Variants in PRDM5 observed in about 807,000 individuals in gnomAD.
PRDM5 encodes PR domain zinc finger protein 5.
Under a neutral mutation model 81.2 loss-of-function variants are expected in PRDM5, and 56 were observed. The observed-to-expected ratio is 0.69, with a 90% CI of 0.56 to 0.86. The LOEUF (loss-of-function observed/expected upper bound fraction) is 0.86. PRDM5 is among the 40% of genes least tolerant of loss of function. The pLI is 0.00. For missense variants in PRDM5, 697 were observed against 770.1 expected (o/e 0.91, Z 1.12); for synonymous variants, 267 against 256.4 (o/e 1.04, Z -0.39).
intron 14 of PRDM5, among the ~76,000 whole-genome samples, chr4:120,753,022 T>A (rs939031489): frequency 6.6e-6 from 1 of 152,164 alleles, no homozygotes; most frequent in Non-Finnish European, 1.5e-5. Flanking sequence ...CAAAAGATAT[T>A]TTTTCCTGCA....
rs537229914 is a variant in PRDM5 at position 120,875,856 on chromosome 4, G to A, written c.178-22316C>T. On this transcript the variant is annotated intron_variant, in intron 2 of 15. Transcript: ENST00000264808. ...TACAGGATAGATGCCATGTTGGAGT[G>A]GGTAAGTAATTCAAGCCACGTTGCT... Among the ~76,000 whole-genome samples the A allele has an allele frequency of 2.2e-3, 337 of 152,216 alleles. 1 individual carries two copies. The highest frequency in any genetic ancestry group is 7.6e-3 in the African/African-American group (314 of 41,544).
intron 2 of PRDM5, among the ~76,000 whole-genome samples, chr4:120,904,407 G>A (rs1001476255): frequency 3.7e-4 from 56 of 151,918 alleles, no homozygotes; most frequent in Non-Finnish European, 2.4e-4. Flanking sequence ...CAGGCTGGAA[G>A]GGAACAGAGA....
chr4:120,863,073 G>T (rs575930863), intron 2 of PRDM5, among the ~76,000 whole-genome samples: 3 of 148,756 alleles, frequency 2.0e-5, no homozygotes, highest in African/African-American at 7.5e-5. Flanking sequence ...CATGAGAATT[G>T]CTGCAACCCA....
intron 14 of PRDM5, among the ~76,000 whole-genome samples, chr4:120,714,348 A>C (rs1447704237): frequency 6.6e-6 from 1 of 151,942 alleles, no homozygotes; most frequent in Non-Finnish European, 1.5e-5. Flanking sequence ...TAACATTTCC[A>C]TCTCTTTCTG....
At chr4:120,871,625 C>A (rs533162834) in intron 2 of PRDM5, among the ~76,000 whole-genome samples, 1 of 152,218 alleles carries the variant, frequency 6.6e-6, no homozygotes, top group South Asian at 2.1e-4. Context: ...GTCTAGTATC[C>A]TCCATCGTAA....
At chr4:120,851,551 C>T (rs551721751) in intron 3 of PRDM5, among the ~76,000 whole-genome samples, 7 of 151,812 alleles carry the variant, frequency 4.6e-5, no homozygotes, top group South Asian at 4.2e-4. Context: ...TGAATATCCC[C>T]GGCTGCCAGA....
chr4:120,922,098 G>T (rs1008977086), intron 1 of PRDM5, among the ~76,000 whole-genome samples: 1 of 152,228 alleles, frequency 6.6e-6, no homozygotes, highest in African/African-American at 2.4e-5. Context: ...AGGCGACAGC[G>T]GAGCAGCGTG....
intron 2 of PRDM5, among the ~76,000 whole-genome samples, chr4:120,864,509 A>T (rs1760986266): frequency 6.6e-6 from 1 of 152,248 alleles, no homozygotes; most frequent in Admixed American, 6.5e-5. Context: ...AGAGGAACAC[A>T]GCAAATCCTT....
rs946769442 is a variant in PRDM5 at position 120,871,028 on chromosome 4, C to T, written c.178-17488G>A. ...TAGAAGACTATACTTTACAGCCATG[C>T]TCCCGCCATCATCCAGCCTATCCTT... is the stretch of plus-strand genomic sequence containing the variant. On this transcript the variant is annotated intron_variant, in intron 2 of 15. Transcript: ENST00000264808. Among the ~76,000 whole-genome samples, 5 of 152,308 alleles carry T rather than the reference C, an allele frequency of 3.3e-5. No individual in the cohort carries two copies. In the South Asian group the frequency reaches 1.0e-3, roughly 32 times the overall value.
At chr4:120,850,978 C>T (rs572430173) in intron 3 of PRDM5, among the ~76,000 whole-genome samples, 108 of 152,170 alleles carry the variant, frequency 7.1e-4, no homozygotes, top group African/African-American at 2.5e-3. Context: ...GGTATAAATA[C>T]TTATTGACAC....
At chr4:120,699,984 C>T (rs1735130253) in intron 15 of PRDM5, among the ~76,000 whole-genome samples, 1 of 119,970 alleles carries the variant, frequency 8.3e-6, no homozygotes, top group South Asian at 3.0e-4. Context: ...GCCCAAATAG[C>T]CAAAGCAATC....
At chr4:120,901,844 T>C (rs145833106) in intron 2 of PRDM5, among the ~76,000 whole-genome samples, 1 of 152,312 alleles carries the variant, frequency 6.6e-6, no homozygotes, top group African/African-American at 2.4e-5. Flanking sequence ...AACTGTGGCA[T>C]AGCATATGAC....
At chr4:120,725,515 T>C (rs1420122367) in intron 14 of PRDM5, among the ~76,000 whole-genome samples, 5 of 152,196 alleles carry the variant, frequency 3.3e-5, no homozygotes, top group African/African-American at 4.8e-5. Context: ...TTTTACCTAC[T>C]AGCTTTTGGC....
intron 2 of PRDM5, among the ~76,000 whole-genome samples, chr4:120,899,312 T>A (rs1212562514): frequency 2.0e-5 from 3 of 152,162 alleles, no homozygotes; most frequent in Non-Finnish European, 4.4e-5. Flanking sequence ...TCTCCAGTGC[T>A]CTCTGTTATC....
chr4:120,798,313 C>A lies in PRDM5; in HGVS notation c.1142G>T (p.Cys381Phe). Residue 381 changes from cysteine to phenylalanine, a missense_variant, in exon 10 of 16, where the codon TGT (cysteine) becomes TTT (phenylalanine). This residue lies in a region of PRDM5 where 577 missense variants were observed against 606.7 expected (regional missense o/e 0.95). Transcript: ENST00000264808. The stretch of plus-strand genomic sequence containing the variant: ...ATTTCTGTGGGCAAATCCCTTTCCA[C>A]AAAGTTTGCATTTGTAAGGTTTGTC... ...SEDKPYKCKL[C>F]GKGFAHRNVY... The A allele has an allele frequency of 1.9e-6, 3 of 1,610,916 alleles. No individual in the cohort carries two copies. The highest frequency in any genetic ancestry group is 2.7e-5 in the African/African-American group (2 of 74,974).
intron 10 of PRDM5, among the ~76,000 whole-genome samples, chr4:120,785,953 A>G (rs1749710286): frequency 6.6e-6 from 1 of 152,156 alleles, no homozygotes; most frequent in African/African-American, 2.4e-5. Flanking sequence ...CTTTTACATT[A>G]CACACCAGTA....
chr4:120,784,254 A>C (rs188428653), intron 11 of PRDM5, among the ~76,000 whole-genome samples: 4 of 152,262 alleles, frequency 2.6e-5, no homozygotes. Flanking sequence ...AAAGAGCTCT[A>C]AGTGTAGGCG....
chr4:120,697,570 AT>A (rs34954999), intron 15 of PRDM5, among the ~76,000 whole-genome samples: 26,047 of 150,438 alleles, frequency 0.17, 2,577 homozygotes, highest in Non-Finnish European at 0.24. Flanking sequence ...GTGCAGTGGC[AT>A]TAATCTTGGT....
chr4:120,747,313 T>C (rs939614177), intron 14 of PRDM5, among the ~76,000 whole-genome samples: 12 of 141,654 alleles, frequency 8.5e-5, no homozygotes, highest in African/African-American at 2.9e-4. Context: ...AGGGATAGCA[T>C]TGGGAGATAT....
Sources: gnomAD v4.1 joint callset for allele counts (sites outside exome capture counted in the v4.1 genomes callset) on GRCh38, gnomAD v4.1.1 for gene constraint, gnomAD v4.1.1 regional missense constraint, MANE v1.5 for transcripts, NCBI Gene and HGNC (gene_info 2026-07-23, HGNC 2026-07-21) for gene names.